STON2: variants seen among roughly 807,000 people sequenced by gnomAD.
STON2 encodes stonin 2.
STON2 carries 29 observed loss-of-function variants against 65.7 expected under a neutral mutation model. The ratio of observed to expected loss-of-function variants is 0.44; its 90% CI spans 0.33 to 0.60. The LOEUF (loss-of-function observed/expected upper bound fraction) is 0.60. Among genes scored for constraint, STON2 ranks in the 20% least tolerant of loss-of-function variants. The pLI is 0.03. For missense variants in STON2, 1,054 were observed against 1,118.1 expected (o/e 0.94, Z 0.82); for synonymous variants, 404 against 414.2 (o/e 0.98, Z 0.30).
intron 5 of STON2, among the ~76,000 whole-genome samples, chr14:81,321,914 T>C (rs1397852841): frequency 6.6e-6 from 1 of 152,184 alleles, no homozygotes; most frequent in Non-Finnish European, 1.5e-5. Context: ...GCCCTTTGAT[T>C]TGGTCAAATG....
intron 4 of STON2, among the ~76,000 whole-genome samples, chr14:81,351,973 G>A (rs558429719): frequency 1.5e-4 from 23 of 152,298 alleles, no homozygotes; most frequent in Non-Finnish European, 3.1e-4. Flanking sequence ...AGCCTAGGAC[G>A]CCTTCTCAAG....
At position 81,398,442 on chromosome 14, in the gene STON2, C is replaced by G. The variant is rs773968908; in HGVS notation, c.-60G>C. ...CCTCAGGTGAACCCCAGAATACTGT[C>G]TGGGGTGGGCTGGAGTAGGGGTATG... On this transcript the variant is annotated 5_prime_UTR_variant, in exon 2 of 8. Coordinates refer to ENST00000614646, the MANE Select transcript of STON2 (RefSeq NM_001394390.1). 1 of 1,389,748 alleles carries G rather than the reference C, an allele frequency of 7.2e-7. No homozygotes were observed. Among genetic ancestry groups the G allele is most frequent in the South Asian group, 1.2e-5 (1 of 85,418 alleles). The allele number at this position is 1,389,748 out of a possible 1,614,324, so 86.1% of individuals were successfully genotyped here.
intron 4 of STON2, among the ~76,000 whole-genome samples, chr14:81,352,022 A>C (rs1474703729): frequency 1.3e-5 from 2 of 152,234 alleles, no homozygotes; most frequent in African/African-American, 4.8e-5. Context: ...ATAAGACTTA[A>C]AAAGAAAAGT....
chr14:81,416,348 G>T (rs1901430914), intron 2 of STON2, among the ~76,000 whole-genome samples: 1 of 152,196 alleles, frequency 6.6e-6, no homozygotes, highest in Non-Finnish European at 1.5e-5. Context: ...TTCAGGAAGT[G>T]AAAGTGCAAA....
At chr14:81,365,377 G>A (rs1226522557) in intron 4 of STON2, among the ~76,000 whole-genome samples, 1 of 152,162 alleles carries the variant, frequency 6.6e-6, no homozygotes, top group Non-Finnish European at 1.5e-5. Flanking sequence ...TACCTGCTAT[G>A]TGCTTCATCC....
At chr14:81,385,286 A>T (rs1899740077) in intron 3 of STON2, among the ~76,000 whole-genome samples, 1 of 152,242 alleles carries the variant, frequency 6.6e-6, no homozygotes, top group Non-Finnish European at 1.5e-5. Flanking sequence ...AGATACTGGA[A>T]AGAGTTATTT....
intron 4 of STON2, among the ~76,000 whole-genome samples, chr14:81,329,939 T>C (rs547619337): frequency 6.6e-6 from 1 of 152,342 alleles, no homozygotes; most frequent in East Asian, 1.9e-4. Context: ...TTGTTGGCAC[T>C]GATATGTTAG....
At chr14:81,294,329 T>C (rs1376693957) in intron 5 of STON2, among the ~76,000 whole-genome samples, 1 of 152,188 alleles carries the variant, frequency 6.6e-6, no homozygotes, top group Non-Finnish European at 1.5e-5. Flanking sequence ...ACCAGAAGAA[T>C]TTCCATCTTT....
chr14:81,328,657 T>C (rs191545710), intron 4 of STON2, among the ~76,000 whole-genome samples: 178 of 152,222 alleles, frequency 1.2e-3, no homozygotes, highest in African/African-American at 3.7e-3. Context: ...ACCCCCAGTG[T>C]TGAAGGGGGG....
intron 5 of STON2, among the ~76,000 whole-genome samples, chr14:81,286,385 C>G (rs185583670): frequency 1.3e-5 from 2 of 152,116 alleles, no homozygotes; most frequent in African/African-American, 4.8e-5. Flanking sequence ...GAAATCGTCA[C>G]GGCCATTCCA....
intron 5 of STON2, 145 bp from the exon 6 acceptor site, chr14:81,278,884 G>A (rs111342370): frequency 8.4e-6 from 5 of 598,516 alleles, no homozygotes; most frequent in African/African-American, 5.5e-5. Context: ...CAAGTGCTTA[G>A]TCTGGGCATA....
chr14:81,355,693 TA>T (rs1387574001), intron 4 of STON2, among the ~76,000 whole-genome samples: 2 of 152,204 alleles, frequency 1.3e-5, no homozygotes, highest in Non-Finnish European at 2.9e-5. Flanking sequence ...ATAAATAACG[TA>T]AAAATTATGA....
chr14:81,410,682 T>TC (rs1901112043), intron 2 of STON2, among the ~76,000 whole-genome samples: 1 of 152,186 alleles, frequency 6.6e-6, no homozygotes, highest in Non-Finnish European at 1.5e-5. Context: ...GAGTGAGGTT[T>TC]CAACACACAT....
At chr14:81,339,525 G>A (rs1453562396) in intron 4 of STON2, among the ~76,000 whole-genome samples, 1 of 152,134 alleles carries the variant, frequency 6.6e-6, no homozygotes, top group Non-Finnish European at 1.5e-5. Flanking sequence ...CTGAGTAGTA[G>A]GTCAATATCA....
chr14:81,353,989 CA>C, intron 4 of STON2, among the ~76,000 whole-genome samples: 1 of 152,344 alleles, frequency 6.6e-6, no homozygotes. Flanking sequence ...GGTAAGGAGG[CA>C]AACCTCAACT....
In STON2 at chr14:81,371,157, T is replaced by C. The variant is rs144229953; in HGVS notation, c.402A>G (p.Thr134=). ...TALPLTMPCW[T]CPSFDSLGRC... is the part of the protein sequence containing the mutation. ...TCCCCAGGGAGTCAAAGGAAGGGCATGTCCAGCAGGGCATGGTCAATGGTA... is the reference window on the plus strand; with the variant it reads ...TCCCCAGGGAGTCAAAGGAAGGGCACGTCCAGCAGGGCATGGTCAATGGTA... The change falls in exon 4 of 8, where the codon ACA becomes ACG. Residue 134 remains threonine (T), a synonymous_variant. Coordinates refer to ENST00000614646, the MANE Select transcript of STON2 (RefSeq NM_001394390.1). 2.5e-6 allele frequency: 4 copies of C among 1,614,148 alleles called. No individual in the cohort carries two copies. The highest frequency in any genetic ancestry group is 2.2e-5 in the South Asian group (2 of 91,086).
intron 5 of STON2, among the ~76,000 whole-genome samples, chr14:81,310,751 T>C (rs1266776797): frequency 6.6e-6 from 1 of 152,180 alleles, no homozygotes; most frequent in Non-Finnish European, 1.5e-5. Context: ...ACAGGAAACC[T>C]CCTGTTTCCT....
chr14:81,278,685 C>A lies in STON2; in HGVS notation c.797G>T (p.Trp266Leu), dbSNP rs1894981864. 14 of 1,524,650 alleles carry A rather than the reference C, an allele frequency of 9.2e-6. No homozygotes were observed. The highest frequency in any genetic ancestry group is 1.2e-5 in the Non-Finnish European group (14 of 1,138,700). The allele number at this position is 1,524,650 out of a possible 1,614,324, so 94.4% of individuals were successfully genotyped here. ...ATTCATGGCTGGACTGCTGGCCTGC[C>A]AGCTGATGGCCTCCATCTCTACTTC... ...DEEVEMEAISWQASSPAMNGH... is the reference protein window; with the variant it reads ...DEEVEMEAISLQASSPAMNGH... The change falls in exon 6 of 8, where the codon TGG (tryptophan) becomes TTG (leucine). Residue 266 changes from tryptophan to leucine, a missense_variant. Transcript: ENST00000614646.
chr14:81,294,850 A>T (rs1229692493), intron 5 of STON2, among the ~76,000 whole-genome samples: 1 of 152,154 alleles, frequency 6.6e-6, no homozygotes, highest in Non-Finnish European at 1.5e-5. Flanking sequence ...GGTCGTTTGG[A>T]AGCAAATATG....
Sources: gnomAD v4.1 joint callset for allele counts (sites outside exome capture counted in the v4.1 genomes callset) on GRCh38, gnomAD v4.1.1 for gene constraint, MANE v1.5 for transcripts, NCBI Gene and HGNC (gene_info 2026-07-23, HGNC 2026-07-21) for gene names.